TRAPPC3L: variants seen among roughly 807,000 people sequenced by gnomAD.
TRAPPC3L encodes trafficking protein particle complex subunit 3L.
Under a neutral mutation model 23.7 loss-of-function variants are expected in TRAPPC3L, and 23 were observed. That is an observed-to-expected ratio of 0.97 (90% CI 0.70 to 1.37). The LOEUF (loss-of-function observed/expected upper bound fraction) is 1.37. Ranked by LOEUF, TRAPPC3L falls within the 40% of genes most tolerant of loss-of-function variation. The probability of loss-of-function intolerance (pLI) is 0.00; values close to 1 mark genes in which losing one functional copy is unlikely to be tolerated. For missense variants in TRAPPC3L, 212 were observed against 216.8 expected (o/e 0.98, Z 0.14); for synonymous variants, 81 against 77.9 (o/e 1.04, Z -0.21).
chr6:116,545,353 T>G, intron 1 of TRAPPC3L, 120 bp downstream of exon 1: 1 of 743,786 alleles, frequency 1.3e-6, no homozygotes, highest in South Asian at 2.0e-5. Context: ...TTCACTTCGC[T>G]GAACACTGTC....
intron 3 of TRAPPC3L, chr6:116,524,435 T>C (rs974745546): frequency 6.6e-6 from 1 of 151,108 alleles, no homozygotes; most frequent in Non-Finnish European, 1.5e-5. Flanking sequence ...AATGCTATTC[T>C]CTGAATTCTT....
chr6:116,527,679 A>T (rs1334987656), intron 3 of TRAPPC3L, among the ~76,000 whole-genome samples: 1 of 152,222 alleles, frequency 6.6e-6, no homozygotes, highest in Non-Finnish European at 1.5e-5. Flanking sequence ...ACAGTTTCAT[A>T]AGTCAGTTTC....
At chr6:116,510,813 C>A (rs1772101396) in intron 3 of TRAPPC3L, among the ~76,000 whole-genome samples, 2 of 151,882 alleles carry the variant, frequency 1.3e-5, no homozygotes, top group Admixed American at 6.6e-5. Flanking sequence ...TGTATATATA[C>A]CATGGAATAC....
chr6:116,521,091 T>C lies in TRAPPC3L; in HGVS notation c.240+19272A>G, dbSNP rs534462230. 4 of 140,898 alleles carry C rather than the reference T, an allele frequency of 2.8e-5. No homozygotes were observed. The East Asian group carries it at 7.7e-4, about 27-fold the overall frequency. The allele number at this position is 140,898 out of a possible 1,614,324, so 8.7% of individuals were successfully genotyped here. On this transcript the variant is annotated intron_variant, in intron 3 of 4. Transcript: ENST00000368602. ...ATACATACATATATATGTGTGTGCA[T>C]GTGTGTGTGTGTATGCGTGTATATA...
In TRAPPC3L at chr6:116,545,528, T is replaced by C. The variant is rs1276035571; in HGVS notation, c.-14A>G. ...AGGGCGAGACATAGTGCTTGATAGATGAAGAATATGATCTTCAATTTCTCT... is the reference window on the plus strand; with the variant it reads ...AGGGCGAGACATAGTGCTTGATAGACGAAGAATATGATCTTCAATTTCTCT... On this transcript the variant is annotated 5_prime_UTR_variant, in exon 1 of 5. Coordinates refer to ENST00000368602, the MANE Select transcript of TRAPPC3L (RefSeq NM_001139444.3). 3.9e-6 allele frequency: 6 copies of C among 1,545,978 alleles called. No homozygotes were observed. The highest frequency in any genetic ancestry group is 5.2e-6 in the Non-Finnish European group (6 of 1,143,484).
chr6:116,541,951 C>G (rs1340001312), intron 2 of TRAPPC3L, among the ~76,000 whole-genome samples: 1 of 152,118 alleles, frequency 6.6e-6, no homozygotes, highest in Non-Finnish European at 1.5e-5. Flanking sequence ...AAGGAAAGAT[C>G]TTTCTGCAGC....
Position 116,540,415 on chromosome 6 carries a change from G to A in TRAPPC3L, c.188C>T (p.Ser63Phe), listed in dbSNP as rs762233471. The change falls in exon 3 of 5, where the codon TCC becomes TTC. Residue 63 changes from serine (S) to phenylalanine (F), a missense_variant. Coordinates refer to ENST00000368602, the MANE Select transcript of TRAPPC3L (RefSeq NM_001139444.3). Reference protein sequence around the residue: ...TRLVEDFLARSCVGRCHSYSE... With the variant: ...TRLVEDFLARFCVGRCHSYSE... ...ATAACTATGGCATCTTCCCACGCAGGATCGAGCCAAAAAGTCTTCCACAAG... is the reference window on the plus strand; with the variant it reads ...ATAACTATGGCATCTTCCCACGCAGAATCGAGCCAAAAAGTCTTCCACAAG... 3.2e-6 allele frequency: 5 copies of A among 1,551,170 alleles called. No individual in the cohort carries two copies. The South Asian group carries it at 4.8e-5, about 15-fold the overall frequency.
intron 3 of TRAPPC3L, among the ~76,000 whole-genome samples, chr6:116,508,808 A>C (rs1772053080): frequency 1.3e-5 from 2 of 152,142 alleles, no homozygotes; most frequent in Admixed American, 1.3e-4. Flanking sequence ...TCTATTCAAC[A>C]CAGTGCTATT....
At chr6:116,512,359 CA>C (rs1177759406) in intron 3 of TRAPPC3L, 32 of 1,088,240 alleles carry the variant, frequency 2.9e-5, no homozygotes, top group Non-Finnish European at 3.9e-5. Flanking sequence ...GAAACTGAAA[CA>C]TGATGCAGCA....
intron 3 of TRAPPC3L, among the ~76,000 whole-genome samples, chr6:116,513,885 C>T (rs1772172635): frequency 6.6e-6 from 1 of 152,148 alleles, no homozygotes; most frequent in Non-Finnish European, 1.5e-5. Context: ...TATGCTGATG[C>T]TACCAATCAC....
At chr6:116,536,161 T>C (rs1284024195) in intron 3 of TRAPPC3L, among the ~76,000 whole-genome samples, 2 of 152,210 alleles carry the variant, frequency 1.3e-5, no homozygotes, top group Non-Finnish European at 2.9e-5. Context: ...AGTTAAGTTG[T>C]ATATTATAAA....
chr6:116,539,664 T>A (rs1463662518), intron 3 of TRAPPC3L, among the ~76,000 whole-genome samples: 1 of 152,134 alleles, frequency 6.6e-6, no homozygotes, highest in Admixed American at 6.6e-5. Flanking sequence ...AGTTTGGTCA[T>A]GTATAACAAT....
intron 1 of TRAPPC3L, chr6:116,543,881 C>A (rs1773610370): frequency 6.5e-6 from 10 of 1,528,938 alleles, no homozygotes; most frequent in Non-Finnish European, 8.7e-6. Flanking sequence ...TTGTGAGTTT[C>A]TTTTCTTTTT....
intron 3 of TRAPPC3L, among the ~76,000 whole-genome samples, chr6:116,509,011 C>T (rs1216987239): frequency 1.3e-5 from 2 of 149,380 alleles, no homozygotes; most frequent in African/African-American, 5.0e-5. Context: ...CTAATGTACC[C>T]AAATCAGTAG....
chr6:116,529,450 C>G (rs915482233), intron 3 of TRAPPC3L, among the ~76,000 whole-genome samples: 2 of 152,202 alleles, frequency 1.3e-5, no homozygotes, highest in African/African-American at 4.8e-5. Context: ...TCCATGCACC[C>G]TCCTGCTTCC....
chr6:116,541,522 C>T (rs1330295396), intron 2 of TRAPPC3L, among the ~76,000 whole-genome samples: 1 of 152,070 alleles, frequency 6.6e-6, no homozygotes, highest in African/African-American at 2.4e-5. Flanking sequence ...TGGAGGGAGA[C>T]GGATTTGATG....
chr6:116,542,448 C>T (rs115301603), intron 2 of TRAPPC3L, among the ~76,000 whole-genome samples: 2,790 of 152,132 alleles, frequency 0.018, 73 homozygotes, highest in South Asian at 0.065. Context: ...ACAATGAACC[C>T]TTTTAAAAAG....
chr6:116,508,221 C>T (rs1772039573), intron 3 of TRAPPC3L, among the ~76,000 whole-genome samples: 1 of 151,698 alleles, frequency 6.6e-6, no homozygotes, highest in Non-Finnish European at 1.5e-5. Context: ...TGGCACAGTA[C>T]CTGGCACACA....
At chr6:116,507,978 C>T (rs1772035481) in intron 3 of TRAPPC3L, among the ~76,000 whole-genome samples, 1 of 152,166 alleles carries the variant, frequency 6.6e-6, no homozygotes, top group Non-Finnish European at 1.5e-5. Flanking sequence ...TAGTCCAAGG[C>T]AATTTCTTTT....
Sources: gnomAD v4.1 joint callset for allele counts (sites outside exome capture counted in the v4.1 genomes callset) on GRCh38, gnomAD v4.1.1 for gene constraint, MANE v1.5 for transcripts, NCBI Gene and HGNC (gene_info 2026-07-23, HGNC 2026-07-21) for gene names.